PLXND1: variants seen among roughly 807,000 people sequenced by gnomAD.
PLXND1 encodes the protein plexin D1.
In PLXND1, 54 loss-of-function variants were observed where a neutral mutation model predicts 197.7. The ratio of observed to expected loss-of-function variants is 0.27; its 90% CI spans 0.22 to 0.34. The LOEUF (loss-of-function observed/expected upper bound fraction) is 0.34. Among genes scored for constraint, PLXND1 ranks in the 10% least tolerant of loss-of-function variants. PLXND1 has a pLI of 1.00. For synonymous variants in PLXND1, 1,180 were observed against 1,161.2 expected, an observed-to-expected ratio of 1.02 and a Z score of -0.33; for missense variants, 2,127 against 2,699.2, an observed-to-expected ratio of 0.79 and a Z score of 4.70.
chr3:129,597,492 C>T (rs777992181), intron 1 of PLXND1, among the ~76,000 whole-genome samples: 9 of 152,092 alleles, frequency 5.9e-5, no homozygotes, highest in South Asian at 4.1e-4. Context: ...GGCCCCCCCC[C>T]ATTATTTACC....
At position 129,563,235 on chromosome 3, in the gene PLXND1, C is replaced by T. The variant is rs779508344; in HGVS notation, c.4527G>A (p.Thr1509=). The T allele has an allele frequency of 8.7e-6, 14 of 1,610,370 alleles. No homozygotes were observed. The highest frequency in any genetic ancestry group is 6.6e-5 in the South Asian group (6 of 90,324). Residue 1509 remains threonine, a synonymous_variant, in exon 26 of 36, where the codon ACG becomes ACA. Transcript: ENST00000324093. ...GCAGCAGGAAGAATGGCTCCCCCAC[C>T]GTCTCCTGAGGGGCACGGGGGTATC... The part of the protein sequence containing the change: ...SICMYSCLRE[T]VGEPFFLLLC...
intron 12 of PLXND1, 98 bp from the exon 13 acceptor site, chr3:129,573,843 C>G (rs550431049): frequency 7.5e-7 from 1 of 1,333,568 alleles, no homozygotes; most frequent in Admixed American, 2.1e-5. Flanking sequence ...CACAGCCGTG[C>G]AGACCCACTG....
intron 1 of PLXND1, among the ~76,000 whole-genome samples, chr3:129,594,534 C>T (rs547325514): frequency 2.0e-5 from 3 of 152,250 alleles, no homozygotes; most frequent in South Asian, 2.1e-4. Flanking sequence ...ACATCCTGGC[C>T]GGGGACTGGG....
rs369984574 is a variant in PLXND1, at chr3:129,575,889, G to A, written c.2347-34C>T. 133 of 1,317,292 alleles carry A rather than the reference G, an allele frequency of 1.0e-4. No individual in the cohort carries two copies. The African/African-American group carries it at 1.6e-3, about 16-fold the overall frequency. The allele number at this position is 1,317,292 out of a possible 1,614,324, so 81.6% of individuals were successfully genotyped here. ...AACAGGGAGTGGGAGGCGGGTTTGA[G>A]GAGAACCAAGCCAGCATGCATTGCC... On this transcript the variant is annotated intron_variant, in intron 9 of 35. Coordinates refer to ENST00000324093, the MANE Select transcript of PLXND1 (RefSeq NM_015103.3).
intron 13 of PLXND1, 58 bp from the exon 14 acceptor site, chr3:129,572,999 C>G: frequency 7.9e-7 from 1 of 1,258,986 alleles, no homozygotes; most frequent in Non-Finnish European, 1.2e-6. Flanking sequence ...CACCCTAGAG[C>G]CAGGCTCAGG....
In PLXND1 at chr3:129,606,531, G is replaced by A. The variant is rs760342697; in HGVS notation, c.109C>T (p.Leu37=). 1.0e-5 allele frequency: 14 copies of A among 1,347,390 alleles called. No individual in the cohort carries two copies. In the Middle Eastern group the frequency reaches 1.7e-3, roughly 165 times the overall value. The allele number at this position is 1,347,390 out of a possible 1,614,324, so 83.5% of individuals were successfully genotyped here. ...PRCPVPLLLL[L]LLGAARAGAL... Reference sequence around the variant, plus strand: ...CCGGCCCGCGCCGCCCCCAGGAGCAGCAGCAACAGCAGCGGCACCGGGCAC... The same window carrying A: ...CCGGCCCGCGCCGCCCCCAGGAGCAACAGCAACAGCAGCGGCACCGGGCAC... The change falls in exon 1 of 36, where the codon CTG becomes TTG. Residue 37 remains leucine (L), a synonymous_variant. Transcript: ENST00000324093.
intron 1 of PLXND1, among the ~76,000 whole-genome samples, chr3:129,594,053 T>A (rs547285346): frequency 1.1e-4 from 16 of 152,288 alleles, no homozygotes; most frequent in Admixed American, 1.3e-4. Context: ...AGGCCTCACA[T>A]CCTGCCGCAG....
chr3:129,556,391 C>T lies in PLXND1; in HGVS notation c.5699G>A (p.Arg1900Lys). The change falls in exon 36 of 36, where the codon AGG becomes AAG. Residue 1900 changes from arginine (R) to lysine (K), a missense_variant. Arg to Lys is a conservative substitution (Grantham distance 26, BLOSUM62 2). Transcript: ENST00000324093. ...CTCAAACTTGTGCTGCAGTTGTGTCCTCCGGGCCGTGGGGTTGGCCTCCAG... is the reference window on the plus strand; with the variant it reads ...CTCAAACTTGTGCTGCAGTTGTGTCTTCCGGGCCGTGGGGTTGGCCTCCAG... ...AALEANPTAR[R>K]TQLQHKFEQV... 6.2e-7 allele frequency: 1 copy of T among 1,614,198 alleles called. No homozygotes were observed. Among genetic ancestry groups the T allele is most frequent in the East Asian group, 2.2e-5 (1 of 44,882 alleles).
At position 129,586,672 on chromosome 3, in the gene PLXND1, A is replaced by G; in HGVS notation, c.1536T>C (p.Thr512=). The stretch of plus-strand genomic sequence containing the variant: ...GGTGCACGGGCTCCCCATAGGCCAC[A>G]GTCACCACCCGCCTGCTCACCACCT... The part of the protein sequence containing the change: ...SMQVVSRRVV[T]VAYGEPVHHV... The change falls in exon 3 of 36, where the codon ACT becomes ACC. Residue 512 remains threonine, a synonymous_variant. Transcript: ENST00000324093. 6.3e-7 allele frequency: 1 copy of G among 1,591,748 alleles called. No homozygotes were observed. Among genetic ancestry groups the G allele is most frequent in the South Asian group, 1.1e-5 (1 of 87,322 alleles).
chr3:129,572,925 C>G lies in PLXND1; in HGVS notation c.2854G>C (p.Gly952Arg). The G allele has an allele frequency of 6.2e-7, 1 of 1,613,282 alleles. No homozygotes were observed. The highest frequency in any genetic ancestry group is 1.3e-5 in the African/African-American group (1 of 75,050). ...CCTGAGAGTGGTCCTGGGGCTGGCC[C>G]TGTGACACACACGATCCTGAGGGGA... The part of the protein sequence containing the change: ...TVSEEIVCVT[G>R]PAPGPLSGVV... The change falls in exon 14 of 36, where the codon GGG becomes CGG. Residue 952 changes from glycine to arginine, a missense_variant. Around this residue, in one of 6 missense-constraint regions of PLXND1, gnomAD observed 1,095 missense variants for 1,259.8 expected, o/e 0.87. Coordinates refer to ENST00000324093, the MANE Select transcript of PLXND1 (RefSeq NM_015103.3).
At chr3:129,598,530 C>T (rs1458526826) in intron 1 of PLXND1, among the ~76,000 whole-genome samples, 2 of 152,086 alleles carry the variant, frequency 1.3e-5, no homozygotes, top group African/African-American at 2.4e-5. Context: ...GCTACAGGCC[C>T]GGTAGCAGGA....
intron 1 of PLXND1, among the ~76,000 whole-genome samples, chr3:129,595,666 G>A (rs2085609487): frequency 6.6e-6 from 1 of 152,202 alleles, no homozygotes; most frequent in South Asian, 2.1e-4. Flanking sequence ...CCCTCTGGAA[G>A]AGGCGGGTCA....
chr3:129,589,234 G>T, intron 2 of PLXND1, 117 bp downstream of exon 2: 1 of 818,010 alleles, frequency 1.2e-6, no homozygotes, highest in Non-Finnish European at 1.9e-6. Flanking sequence ...GCGAATGGGA[G>T]AAAACAAAGG....
chr3:129,586,343 C>G, intron 3 of PLXND1, 71 bp from the exon 4 acceptor site: 1 of 1,252,754 alleles, frequency 8.0e-7, no homozygotes, highest in Non-Finnish European at 1.1e-6. Context: ...GTACGGTCAG[C>G]ATGGTGCGGG....
rs1287797624 is a variant in PLXND1, at chr3:129,606,675, A to G, written c.-36T>C. The stretch of plus-strand genomic sequence containing the variant: ...GCGGGCTGCGCGGCGCGGCGAGTGC[A>G]TGGGGCGAGGCGCGGCCGGGAGCCG... On this transcript the variant is annotated 5_prime_UTR_variant, in exon 1 of 36. It removes an upstream start codon present in the reference 5' UTR. Transcript: ENST00000324093. The G allele has an allele frequency of 7.0e-6, 6 of 859,648 alleles. No homozygotes were observed. Among genetic ancestry groups the G allele is most frequent in the Non-Finnish European group, 8.4e-6 (6 of 716,928 alleles). The allele number at this position is 859,648 out of a possible 1,614,324, so 53.3% of individuals were successfully genotyped here.
rs746693895 is a variant in PLXND1 at position 129,555,417 on chromosome 3, T to C, written c.*895A>G. The C allele has an allele frequency of 2.9e-4, 188 of 649,216 alleles. No individual in the cohort carries two copies. The highest frequency in any genetic ancestry group is 4.5e-4 in the Non-Finnish European group (165 of 368,354). The allele number at this position is 649,216 out of a possible 1,614,324, so 40.2% of individuals were successfully genotyped here. Reference sequence around the variant, plus strand: ...GGCGCCAGGGGCGCTCTGCCAGGTCTGCCCGCTCTCTGGAACAGTCATTTC... The same window carrying C: ...GGCGCCAGGGGCGCTCTGCCAGGTCCGCCCGCTCTCTGGAACAGTCATTTC... On this transcript the variant is annotated 3_prime_UTR_variant, in exon 36 of 36. Coordinates refer to ENST00000324093, the MANE Select transcript of PLXND1 (RefSeq NM_015103.3).
Position 129,557,339 on chromosome 3 carries a change from G to C in PLXND1, c.5446-116C>G. 1 of 1,157,322 alleles carries C rather than the reference G, an allele frequency of 8.6e-7. No homozygotes were observed. The highest frequency in any genetic ancestry group is 1.5e-5 in the African/African-American group (1 of 65,046). The allele number at this position is 1,157,322 out of a possible 1,614,324, so 71.7% of individuals were successfully genotyped here. A position where few individuals can be genotyped will look rare whatever the true frequency, so the allele number is the denominator to read the frequency against. On this transcript the variant is annotated intron_variant, in intron 33 of 35. Coordinates refer to ENST00000324093, the MANE Select transcript of PLXND1 (RefSeq NM_015103.3). The surrounding 1 kb of genome is among the most constrained non-coding windows in gnomAD (Gnocchi z 4.8). Reference sequence around the variant, plus strand: ...ATAAGTGACCTTAGCAGGCCCCCGAGGCCCAAAGAGTCTCACCCGGTCACT... The same window carrying C: ...ATAAGTGACCTTAGCAGGCCCCCGACGCCCAAAGAGTCTCACCCGGTCACT...
intron 1 of PLXND1, among the ~76,000 whole-genome samples, chr3:129,604,159 C>T (rs1269953869): frequency 6.6e-6 from 1 of 152,178 alleles, no homozygotes; most frequent in Non-Finnish European, 1.5e-5. Context: ...CAGCCTCAGA[C>T]ACCTGGGCCC....
chr3:129,563,360 G>T, intron 25 of PLXND1, 120 bp from the exon 26 acceptor site: 1 of 769,854 alleles, frequency 1.3e-6, no homozygotes, highest in Non-Finnish European at 2.0e-6. Flanking sequence ...TTTGGATCCT[G>T]GTGTCAACAC....
Sources: gnomAD v4.1 joint callset for allele counts (sites outside exome capture counted in the v4.1 genomes callset) on GRCh38, gnomAD v4.1.1 for gene constraint, gnomAD v4.1.1 regional missense constraint, Gnocchi (gnomAD v3.1) non-coding constraint, MANE v1.5 for transcripts, NCBI Gene and HGNC (gene_info 2026-07-23, HGNC 2026-07-21) for gene names.